MFSD11: variants seen among roughly 807,000 people sequenced by gnomAD.
The protein encoded by MFSD11 is major facilitator superfamily domain containing 11.
Under a neutral mutation model 53.5 loss-of-function variants are expected in MFSD11, and 36 were observed. The observed-to-expected ratio is 0.67, with a 90% CI of 0.52 to 0.89. The LOEUF (loss-of-function observed/expected upper bound fraction) is 0.89, where lower values mean the gene tolerates loss of function less well. MFSD11 is among the 40% of genes least tolerant of loss of function. The probability of loss-of-function intolerance (pLI) is 0.00; values close to 1 mark genes in which losing one functional copy is unlikely to be tolerated. For synonymous variants in MFSD11, 186 were observed against 184.9 expected (o/e 1.01, Z -0.05); for missense variants, 530 against 543.9 (o/e 0.97, Z 0.25).
chr17:76,742,342 CTT>C, intron 5 of MFSD11, 69 bp downstream of exon 5: 1 of 1,283,118 alleles, frequency 7.8e-7, no homozygotes, highest in Non-Finnish European at 1.1e-6. Context: ...TTTTTTAGGT[CTT>C]TGGTTGACAA....
chr17:76,793,390 A>G, the MFSD11 span, among the ~76,000 whole-genome samples: 5 of 151,518 alleles, frequency 3.3e-5, no homozygotes, highest in African/African-American at 4.9e-5. Flanking sequence ...TTGCTTTTGA[A>G]AAAAGAGAAA....
chr17:76,784,331 C>T (rs1374976436), downstream of MFSD11, among the ~76,000 whole-genome samples: 4 of 151,412 alleles, frequency 2.6e-5, no homozygotes, highest in Non-Finnish European at 4.4e-5. Context: ...GTCAAGAGAT[C>T]GAGACCATCC....
rs189274980 is a variant in MFSD11 at position 76,778,511 on chromosome 17, G to A, written c.*159G>A. The A allele has an allele frequency of 2.4e-4, 156 of 647,608 alleles. No individual in the cohort carries two copies. The Middle Eastern group carries it at 3.0e-3, about 12-fold the overall frequency. The allele number at this position is 647,608 out of a possible 1,614,324, so 40.1% of individuals were successfully genotyped here. On this transcript the variant is annotated 3_prime_UTR_variant, in exon 13 of 13. Transcript: ENST00000685175. ...TAAATCAGCCAGAGTTGGTGTTCAA[G>A]TTTACAGATATGAGTTATTTAAAGC...
At position 76,775,174 on chromosome 17, in the gene MFSD11, A is replaced by G. The variant is rs2081706108; in HGVS notation, c.1049+3A>G. ...AGCAGTGCTTACATCAAATCCAGGT[A>G]TAGTGGCTGTCATTTCTCTAGTCGC... is the stretch of plus-strand genomic sequence containing the variant. On this transcript the variant is annotated splice_donor_region_variant and intron_variant, in intron 11 of 12. Coordinates refer to ENST00000685175, the MANE Select transcript of MFSD11 (RefSeq NM_001242532.5). The G allele has an allele frequency of 6.2e-7, 1 of 1,613,172 alleles. No homozygotes were observed. Among genetic ancestry groups the G allele is most frequent in the Non-Finnish European group, 8.5e-7 (1 of 1,179,636 alleles).
In MFSD11 at chr17:76,744,322, A is replaced by G; in HGVS notation, c.497A>G (p.Glu166Gly). Residue 166 changes from glutamate to glycine, a missense_variant and splice_region_variant, in exon 7 of 13, where the codon GAG becomes GGG. Coordinates refer to ENST00000685175, the MANE Select transcript of MFSD11 (RefSeq NM_001242532.5). ...FAWQGKTQIS[E>G]SDRRTVFIAL... ...CTTGTTTCTTCTTTTTTCTCCGTAG[A>G]GAGTGACCGAAGAACAGTGTTTATT... is the stretch of plus-strand genomic sequence containing the variant. The G allele has an allele frequency of 6.2e-7, 1 of 1,608,778 alleles. No homozygotes were observed. Among genetic ancestry groups the G allele is most frequent in the Non-Finnish European group, 8.5e-7 (1 of 1,178,518 alleles).
chr17:76,763,236 C>T (rs1233990292), intron 8 of MFSD11, among the ~76,000 whole-genome samples: 3 of 151,746 alleles, frequency 2.0e-5, no homozygotes, highest in African/African-American at 4.8e-5. Context: ...AGTGTTTCCA[C>T]GTGCTTGCAG....
chr17:76,781,435 T>G (rs2082162134), downstream of MFSD11: 1 of 152,208 alleles, frequency 6.6e-6, no homozygotes, highest in Non-Finnish European at 1.5e-5. Context: ...TGCCAGTCAC[T>G]AGTTCCAGCC....
intron 7 of MFSD11, among the ~76,000 whole-genome samples, chr17:76,752,581 A>G (rs1290680804): frequency 6.6e-6 from 1 of 152,032 alleles, no homozygotes; most frequent in Non-Finnish European, 1.5e-5. Context: ...GGGTTTCGCC[A>G]TGTTGGCCAG....
chr17:76,740,991 A>T lies in MFSD11; in HGVS notation c.187A>T (p.Asn63Tyr). The T allele has an allele frequency of 3.1e-6, 5 of 1,612,810 alleles. No individual in the cohort carries two copies. The highest frequency in any genetic ancestry group is 2.2e-5 in the East Asian group (1 of 44,824). Residue 63 changes from asparagine to tyrosine, a missense_variant, in exon 3 of 13, where the codon AAT (asparagine) becomes TAT (tyrosine). Coordinates refer to ENST00000685175, the MANE Select transcript of MFSD11 (RefSeq NM_001242532.5). ...AIIYGVFSAS[N>Y]LITPSVVAIV... ...TATCTATGGAGTGTTCTCTGCTTCA[A>T]ATTTGATTACACCGTCAGTGGTTGC...
chr17:76,765,545 C>T (rs1342269122), intron 8 of MFSD11, among the ~76,000 whole-genome samples: 1 of 150,018 alleles, frequency 6.7e-6, no homozygotes. Flanking sequence ...TCACTGCAGC[C>T]TCAACCTCCC....
At chr17:76,737,819 C>G (rs373795715), upstream of MFSD11, 1 of 161,198 alleles carries the variant, frequency 6.2e-6, no homozygotes, top group African/African-American at 2.4e-5. Flanking sequence ...TGCTCTTCGC[C>G]GGAGTCCGCT....
chr17:76,784,649 CT>C (rs2082248917), downstream of MFSD11, among the ~76,000 whole-genome samples: 4 of 152,000 alleles, frequency 2.6e-5, no homozygotes, highest in Admixed American at 2.0e-4. Flanking sequence ...AATTCCAGCA[CT>C]TTGGGAGGCT....
chr17:76,742,793 C>T (rs968647130), intron 5 of MFSD11, among the ~76,000 whole-genome samples: 12 of 152,138 alleles, frequency 7.9e-5, no homozygotes, highest in African/African-American at 2.2e-4. Flanking sequence ...CGTGAACCAC[C>T]GTGCCTGGCC....
At chr17:76,798,826 G>A in the MFSD11 span, among the ~76,000 whole-genome samples, 6 of 151,820 alleles carry the variant, frequency 4.0e-5, no homozygotes, top group Non-Finnish European at 1.5e-5. Context: ...TCAGGAGTTC[G>A]AGACCAGCCT....
chr17:76,742,619 T>A (rs1598485355), intron 5 of MFSD11, among the ~76,000 whole-genome samples: 1 of 151,968 alleles, frequency 6.6e-6, no homozygotes, highest in Non-Finnish European at 1.5e-5. Context: ...TCTCCTGCCT[T>A]AGCCTCCTGA....
At chr17:76,741,280 A>G (rs775639627) in intron 3 of MFSD11, among the ~76,000 whole-genome samples, 3 of 152,222 alleles carry the variant, frequency 2.0e-5, no homozygotes, top group Non-Finnish European at 4.4e-5. Flanking sequence ...TAAAAATAGT[A>G]TCCAAAAGTC....
At chr17:76,795,118 C>A in the MFSD11 span, among the ~76,000 whole-genome samples, 1 of 151,784 alleles carries the variant, frequency 6.6e-6, no homozygotes, top group Non-Finnish European at 1.5e-5. Flanking sequence ...GACTTTTTTT[C>A]TTATGAGTCC....
At chr17:76,789,928 G>A in the MFSD11 span, among the ~76,000 whole-genome samples, 1 of 149,918 alleles carries the variant, frequency 6.7e-6, no homozygotes, top group African/African-American at 2.4e-5. Flanking sequence ...TGTGTTTATT[G>A]GTTAAGAGAT....
At chr17:76,751,401 A>G (rs112858467) in intron 7 of MFSD11, among the ~76,000 whole-genome samples, 56 of 151,656 alleles carry the variant, frequency 3.7e-4, no homozygotes, top group African/African-American at 1.4e-3. Flanking sequence ...AGAAAAAAAA[A>G]AATCTTTCTA....
Sources: gnomAD v4.1 joint callset for allele counts (sites outside exome capture counted in the v4.1 genomes callset) on GRCh38, gnomAD v4.1.1 for gene constraint, MANE v1.5 for transcripts, NCBI Gene and HGNC (gene_info 2026-07-23, HGNC 2026-07-21) for gene names.